ARX: variants seen among roughly 807,000 people sequenced by gnomAD.
ARX encodes the protein homeobox protein ARX.
Under a neutral mutation model 23.1 loss-of-function variants are expected in ARX, and 1 was observed. That is an observed-to-expected ratio of 0.04 (90% CI 0.02 to 0.21). The LOEUF is 0.21. Ranked by LOEUF, ARX falls within the 10% of genes least tolerant of loss-of-function variation. The pLI is 1.00. For missense variants in ARX, 380 were observed against 527.5 expected, an observed-to-expected ratio of 0.72 and a Z score of 2.74; for synonymous variants, 301 against 270.1, an observed-to-expected ratio of 1.11 and a Z score of -1.12.
chrX:25,015,559 G>C lies in ARX; in HGVS notation c.179C>G (p.Pro60Arg), dbSNP rs1335616654. 2.5e-6 allele frequency: 3 copies of C among 1,209,354 alleles called. No individual in the cohort carries two copies. Among genetic ancestry groups the C allele is most frequent in the East Asian group, 3.0e-5 (1 of 33,767 alleles). ...ATCCTTACCTTGCACGGCCTTTTCC[G>C]GGTCGGCGCGGCTGGTCAGCGGAGC... ...LPAPLTSRADPEKAVQGSPKS... is the reference protein window; with the variant it reads ...LPAPLTSRADREKAVQGSPKS... Residue 60 changes from proline to arginine, a missense_variant, in exon 1 of 5, where the codon CCG becomes CGG. Physicochemically the swap from Pro to Arg is moderately radical, Grantham distance 103. Transcript: ENST00000379044.
chrX:25,013,164 T>C lies in ARX; in HGVS notation c.831A>G (p.Ala277=), dbSNP rs1162018347. 8.4e-7 allele frequency: 1 copy of C among 1,194,557 alleles called. No individual in the cohort carries two copies. The change falls in exon 2 of 5, where the codon GCA becomes GCG. Residue 277 remains alanine (A), a synonymous_variant. Coordinates refer to ENST00000379044, the MANE Select transcript of ARX (RefSeq NM_139058.3). ...CCTCTGTGGCCACTGCAGCGGCAGC[T>C]GCTGCGGCCACGGCGCCAGTGGCGG... The part of the protein sequence containing the change: ...PVAATGAVAA[A]AAAAVATEGG...
intron 3 of ARX, 73 bp downstream of exon 3, chrX:25,010,187 A>AC: frequency 3.4e-5 from 8 of 237,833 alleles, no homozygotes; most frequent in African/African-American, 1.7e-4. Context: ...CCCCCCCGCC[A>AC]CCAACCCATC....
At chrX:25,011,795 G>A (rs1203295951) in intron 2 of ARX, among the ~76,000 whole-genome samples, 1 of 112,790 alleles carries the variant, frequency 8.9e-6, no homozygotes. Context: ...TCAAAGGGGC[G>A]GGCAGCATTC....
In ARX at chrX:25,012,986, T is replaced by C; in HGVS notation, c.1009A>G (p.Ser337Gly). Residue 337 changes from serine to glycine, a missense_variant, in exon 2 of 5, where the codon AGC (serine) becomes GGC (glycine). By Grantham distance (56) the Ser-to-Gly change is moderately conservative. Around this residue, in one of 3 missense-constraint regions of ARX, gnomAD observed 24 missense variants for 87.7 expected, o/e 0.27. Transcript: ENST00000379044. ...CGCTCCAGTTCCTCCAGCTGGTAGC[T>C]GGTGAACGTGGTGCGGTAGCGCCTC... ...KQRRYRTTFTSYQLEELERAF... is the reference protein window; with the variant it reads ...KQRRYRTTFTGYQLEELERAF... 3 of 1,202,007 alleles carry C rather than the reference T, an allele frequency of 2.5e-6. No homozygotes were observed. The highest frequency in any genetic ancestry group is 3.4e-6 in the Non-Finnish European group (3 of 890,737).
chrX:25,010,780 CCTT>C (rs2048698832), intron 2 of ARX, among the ~76,000 whole-genome samples: 1 of 111,262 alleles, frequency 9.0e-6, no homozygotes, highest in Non-Finnish European at 1.9e-5. Context: ...TCTCTTCCCT[CCTT>C]CTTCCTTCTT....
Position 25,015,528 on chromosome X carries a change from G to A in ARX, c.196+14C>T, listed in dbSNP as rs377487471. The A allele has an allele frequency of 1.7e-6, 2 of 1,208,646 alleles. No individual in the cohort carries two copies. Among genetic ancestry groups the A allele is most frequent in the Non-Finnish European group, 1.1e-6 (1 of 893,897 alleles). On this transcript the variant is annotated intron_variant, in intron 1 of 4. Transcript: ENST00000379044. ...CCAATGCCCTTAGTAAGTGCCTGAC[G>A]GGAGCATCCTTACCTTGCACGGCCT...
chrX:25,010,169 C>A, intron 3 of ARX, 91 bp downstream of exon 3: 1 of 892,613 alleles, frequency 1.1e-6, no homozygotes, highest in Non-Finnish European at 1.6e-6. Context: ...GGGATCTCAC[C>A]CCCCGCACCC....
chrX:25,014,592 G>A (rs933466650), intron 1 of ARX, among the ~76,000 whole-genome samples: 1 of 113,214 alleles, frequency 8.8e-6, no homozygotes, highest in Admixed American at 9.3e-5. Flanking sequence ...GAAAGGTCTG[G>A]GGCAGAGAGG....
At chrX:25,009,225 A>G (rs1198186920) in intron 3 of ARX, among the ~76,000 whole-genome samples, 2 of 111,999 alleles carry the variant, frequency 1.8e-5, no homozygotes, top group African/African-American at 6.5e-5. Flanking sequence ...GGCCCCCCAA[A>G]GGTAAACGAA....
rs2048710961 is a variant in ARX, at chrX:25,013,374, C to T, written c.621G>A (p.Val207=). ...CCGGGGCGCTGCCCGGGCCGCCGGC[C>T]ACGCCGAGGCGCTCCTCCGGGTGCG... ...GVTHPEERLG[V]AGGPGSAPAA... The change falls in exon 2 of 5, where the codon GTG becomes GTA. Residue 207 remains valine (V), a synonymous_variant. Coordinates refer to ENST00000379044, the MANE Select transcript of ARX (RefSeq NM_139058.3). The T allele has an allele frequency of 1.8e-6, 2 of 1,132,951 alleles. No homozygotes were observed. The highest frequency in any genetic ancestry group is 2.0e-5 in the South Asian group (1 of 49,778). 93.4% of individuals were successfully genotyped at this position (1,132,951 alleles called of 1,213,427 possible).
At chrX:25,007,480 C>T (rs1336223176) in intron 3 of ARX, 41 bp from the exon 4 acceptor site, 1 of 1,138,910 alleles carries the variant, frequency 8.8e-7, no homozygotes, top group South Asian at 2.0e-5. Context: ...CGGCTCGGCC[C>T]GGCGGGCGCA....
In ARX at chrX:25,004,798, C is replaced by T. The variant is rs746120093; in HGVS notation, c.1561G>A (p.Ala521Thr). The T allele has an allele frequency of 1.9e-5, 22 of 1,171,641 alleles. No homozygotes were observed. The highest frequency in any genetic ancestry group is 2.4e-5 in the Non-Finnish European group (21 of 876,141). ...AVASGALADPATAAADRRASS... is the reference protein window; with the variant it reads ...AVASGALADPTTAAADRRASS... Reference sequence around the variant, plus strand: ...GCGCGTCTGTCTGCGGCCGCCGTGGCCGGGTCGGCCAGGGCGCCCGATGCC... The same window carrying T: ...GCGCGTCTGTCTGCGGCCGCCGTGGTCGGGTCGGCCAGGGCGCCCGATGCC... The change falls in exon 5 of 5, where the codon GCC (alanine) becomes ACC (threonine). Residue 521 changes from alanine to threonine, a missense_variant. By Grantham distance (58) the Ala-to-Thr change is moderately conservative. Transcript: ENST00000379044.
Position 25,013,543 on chromosome X carries a change from GCGGCCGCGGCTGCCGCGGCGGCCC to G in ARX, c.428_451del (p.Gly143_Ala150del), listed in dbSNP as rs387906493. ...GAGCGTGTCCCAGGCCGCGGCGGCC[GCGGCCGCGGCTGCCGCGGCGGCCC>G]CTGCGCCGTCCGGCCGTTCCCCGGG... On this transcript the variant is annotated inframe_deletion, in exon 2 of 5. Coordinates refer to ENST00000379044, the MANE Select transcript of ARX (RefSeq NM_139058.3). 14 of 794,928 alleles carry G rather than the reference GCGGCCGCGGCTGCCGCGGCGGCCC, an allele frequency of 1.8e-5. No individual in the cohort carries two copies. The highest frequency in any genetic ancestry group is 2.1e-5 in the Non-Finnish European group (14 of 670,516). 65.5% of individuals were successfully genotyped at this position (794,928 alleles called of 1,213,427 possible). A position where few individuals can be genotyped will look rare whatever the true frequency, so the allele number is the denominator to read the frequency against.
rs1416992647 is a variant in ARX at position 25,013,358 on chromosome X, T to TGCCCGGGCCGCC, written c.625_636dup (p.Gly209_Gly212dup). ...GTGCCACCACCCGCAGCCGGGGCGC[T>TGCCCGGGCCGCC]GCCCGGGCCGCCGGCCACGCCGAGG... On this transcript the variant is annotated inframe_insertion, in exon 2 of 5. Transcript: ENST00000379044. 1 of 1,141,923 alleles carries TGCCCGGGCCGCC rather than the reference T, an allele frequency of 8.8e-7. No individual in the cohort carries two copies. Among genetic ancestry groups the TGCCCGGGCCGCC allele is most frequent in the Non-Finnish European group, 1.2e-6 (1 of 867,297 alleles). The allele number at this position is 1,141,923 out of a possible 1,213,427, so 94.1% of individuals were successfully genotyped here.
intron 4 of ARX, 55 bp downstream of exon 4, chrX:25,007,056 C>T: frequency 8.7e-7 from 1 of 1,145,465 alleles, no homozygotes; most frequent in Non-Finnish European, 1.2e-6. Context: ...CTGCCCCCAG[C>T]CTCTGTGTGT....
chrX:25,008,685 G>T (rs1187232975), intron 3 of ARX, among the ~76,000 whole-genome samples: 1 of 112,153 alleles, frequency 8.9e-6, no homozygotes, highest in East Asian at 2.8e-4. Flanking sequence ...GCTATACAGA[G>T]TTATATTAAA....
At chrX:25,015,262 C>A (rs773836817) in intron 1 of ARX, among the ~76,000 whole-genome samples, 1 of 111,226 alleles carries the variant, frequency 9.0e-6, no homozygotes, top group Non-Finnish European at 1.9e-5. Context: ...AGAGCACACC[C>A]AAGGCCACCA....
rs797045293 is a variant in ARX, at chrX:25,015,536, C to A, written c.196+6G>T. On this transcript the variant is annotated splice_donor_region_variant and intron_variant, in intron 1 of 4. Transcript: ENST00000379044. ...CTTAGTAAGTGCCTGACGGGAGCAT[C>A]CTTACCTTGCACGGCCTTTTCCGGG... 1 of 1,209,718 alleles carries A rather than the reference C, an allele frequency of 8.3e-7. No individual in the cohort carries two copies. Among genetic ancestry groups the A allele is most frequent in the Non-Finnish European group, 1.1e-6 (1 of 894,460 alleles).
At chrX:25,014,848 G>A (rs1015362068) in intron 1 of ARX, among the ~76,000 whole-genome samples, 3 of 111,827 alleles carry the variant, frequency 2.7e-5, no homozygotes, top group South Asian at 7.5e-4. Context: ...CGAAACTTGA[G>A]GATAACAGGT....
Sources: allele counts gnomAD v4.1 joint callset (sites outside exome capture counted in the v4.1 genomes callset), GRCh38; gene constraint gnomAD v4.1.1; regional missense constraint gnomAD v4.1.1; transcripts MANE v1.5; gene names NCBI Gene and HGNC (gene_info 2026-07-23, HGNC 2026-07-21).